The following DYNC2H1 variants were observed in gnomAD, a reference collection of about 807,000 sequenced individuals.
DYNC2H1 encodes the protein cytoplasmic dynein 2 heavy chain 1.
In DYNC2H1, 410 loss-of-function variants were observed where a neutral mutation model predicts 570.0. That is an observed-to-expected ratio of 0.72 (90% confidence interval 0.66 to 0.78). The LOEUF is 0.78. Among genes scored for constraint, DYNC2H1 ranks in the 30% least tolerant of loss-of-function variants. The probability of loss-of-function intolerance (pLI) is 0.00; values close to 1 mark genes in which losing one functional copy is unlikely to be tolerated. For synonymous variants in DYNC2H1, 1,688 were observed against 1,677.6 expected, an observed-to-expected ratio of 1.01 and a Z score of -0.15; for missense variants, 4,865 against 5,046.4, an observed-to-expected ratio of 0.96 and a Z score of 1.09.
intron 47 of DYNC2H1, among the ~76,000 whole-genome samples, chr11:103,195,381 A>G (rs1591391083): frequency 1.3e-5 from 2 of 152,190 alleles, no homozygotes; most frequent in East Asian, 1.9e-4. Context: ...TTTTCTGCCT[A>G]TGGATGTTTA....
Position 103,239,642 on chromosome 11 carries a change from A to AGTGTGTGTGT in DYNC2H1, c.9819+3130_9819+3139dup, listed in dbSNP as rs140380392. Reference sequence around the variant, plus strand: ...CTCCTGTCTATACACTTCTCATAGGAGTGTGTGTGTGTGTGTGTGTGTGTG... The same window carrying AGTGTGTGTGT: ...CTCCTGTCTATACACTTCTCATAGGAGTGTGTGTGTGTGTGTGTGTGTGTGTGTGTGTGTG... On this transcript the variant is annotated intron_variant, in intron 63 of 88. Transcript: ENST00000375735. This position sits in a 1 kb window ranked among gnomAD's most constrained non-coding sequence, Gnocchi z 4.3. Among the ~76,000 whole-genome samples the AGTGTGTGTGT allele has an allele frequency of 8.6e-5, 12 of 140,012 alleles. No homozygotes were observed. The highest frequency in any genetic ancestry group is 3.2e-4 in the African/African-American group (12 of 37,776). The allele number at this position is 140,012 out of a possible 152,430, so 91.9% of individuals were successfully genotyped here.
intron 87 of DYNC2H1, among the ~76,000 whole-genome samples, chr11:103,467,849 T>C (rs1945243619): frequency 6.6e-6 from 1 of 152,152 alleles, no homozygotes; most frequent in South Asian, 2.1e-4. Flanking sequence ...CACTGTACAC[T>C]TTAAGTTTGT....
intron 28 of DYNC2H1, among the ~76,000 whole-genome samples, chr11:103,160,267 A>G (rs1183741201): frequency 6.6e-6 from 1 of 152,116 alleles, no homozygotes; most frequent in Admixed American, 6.5e-5. Context: ...ACTATAAAGT[A>G]ATATGCAAAT....
chr11:103,171,818 AT>A (rs541159916), intron 34 of DYNC2H1, among the ~76,000 whole-genome samples: 4 of 151,124 alleles, frequency 2.6e-5, no homozygotes, highest in Admixed American at 6.6e-5. Flanking sequence ...TCTGAAGCAC[AT>A]TTTTTTTTGT....
At chr11:103,372,032 C>CTTTTTTTTT (rs1156605664) in intron 83 of DYNC2H1, among the ~76,000 whole-genome samples, 1 of 38,038 alleles carries the variant, frequency 2.6e-5, no homozygotes, top group Non-Finnish European at 4.4e-5. Context: ...TTGTCTTGTT[C>CTTTTTTTTT]TTTTTTTTTT....
At chr11:103,274,737 T>G (rs1865842474) in intron 70 of DYNC2H1, among the ~76,000 whole-genome samples, 1 of 151,850 alleles carries the variant, frequency 6.6e-6, no homozygotes, top group Admixed American at 6.6e-5. Context: ...TTTTTGGGGG[T>G]TTTTCAGCCA....
chr11:103,437,403 C>G (rs1944103507), intron 85 of DYNC2H1, among the ~76,000 whole-genome samples: 1 of 152,058 alleles, frequency 6.6e-6, no homozygotes, highest in South Asian at 2.1e-4. Context: ...TCTTCTTACT[C>G]TGTTTGCCAG....
chr11:103,190,186 T>C (rs1475263018), intron 45 of DYNC2H1, among the ~76,000 whole-genome samples: 1 of 152,196 alleles, frequency 6.6e-6, no homozygotes, highest in African/African-American at 2.4e-5. Context: ...TTGATGTTTC[T>C]TTCTTTCTTC....
chr11:103,351,293 G>A lies in DYNC2H1; in HGVS notation c.12040-6950G>A, dbSNP rs989207553. Among the ~76,000 whole-genome samples, 5 of 152,094 alleles carry A rather than the reference G, an allele frequency of 3.3e-5. No individual in the cohort carries two copies. In the South Asian group the frequency reaches 6.2e-4, roughly 19 times the overall value. ...AGCATGGTATATCAGGGTTAAGTCC[G>A]GAAAGTAAACTGCATGTCCTTTTGA... is the stretch of plus-strand genomic sequence containing the variant. On this transcript the variant is annotated intron_variant, in intron 82 of 88. Coordinates refer to ENST00000375735, the MANE Select transcript of DYNC2H1 (RefSeq NM_001377.3).
intron 88 of DYNC2H1, among the ~76,000 whole-genome samples, chr11:103,477,832 CAAAAAAAAAAAAAA>C (rs55817710): frequency 2.8e-5 from 2 of 72,620 alleles, no homozygotes; most frequent in Non-Finnish European, 2.4e-5. Flanking sequence ...CTCCCCATCT[CAAAAAAAAAAAAAA>C]AAAAAAAAAA....
intron 40 of DYNC2H1, 27 bp from the exon 41 acceptor site, chr11:103,184,869 G>T: frequency 6.2e-7 from 1 of 1,608,278 alleles, no homozygotes; most frequent in Non-Finnish European, 8.5e-7. Flanking sequence ...CCTTTTGTCT[G>T]TTTGTATCAC....
intron 83 of DYNC2H1, among the ~76,000 whole-genome samples, chr11:103,398,664 A>G (rs1279551525): frequency 2.0e-5 from 3 of 152,190 alleles, no homozygotes; most frequent in East Asian, 1.9e-4. Context: ...GCACTTTCCA[A>G]AATTATTTCT....
chr11:103,229,123 C>T (rs894632042), intron 59 of DYNC2H1, among the ~76,000 whole-genome samples: 5 of 152,150 alleles, frequency 3.3e-5, no homozygotes, highest in Non-Finnish European at 7.3e-5. Flanking sequence ...TTCCAGGCAG[C>T]CAGTGACCAG....
At chr11:103,405,862 A>G (rs1291443363) in intron 84 of DYNC2H1, 1 of 152,056 alleles carries the variant, frequency 6.6e-6, no homozygotes. Context: ...AAAATGGCTG[A>G]GTAAGCATTA....
At chr11:103,167,263 GTAT>G (rs949354340) in intron 31 of DYNC2H1, among the ~76,000 whole-genome samples, 2 of 150,642 alleles carry the variant, frequency 1.3e-5, no homozygotes, top group African/African-American at 4.9e-5. Flanking sequence ...GGGCTTTAAA[GTAT>G]TTTTTTTTTT....
In DYNC2H1 at chr11:103,249,978, A is replaced by G. The variant is rs1364335949; in HGVS notation, c.10043-3307A>G. ...CGCCTAACACAAGCCAAAATCCTCTAACAAGCCTCTATTAAGTCCTTTGTA... is the reference window on the plus strand; with the variant it reads ...CGCCTAACACAAGCCAAAATCCTCTGACAAGCCTCTATTAAGTCCTTTGTA... On this transcript the variant is annotated intron_variant, in intron 65 of 88. Transcript: ENST00000375735. This position sits in a 1 kb window ranked among gnomAD's most constrained non-coding sequence, Gnocchi z 4.6. Among the ~76,000 whole-genome samples the G allele has an allele frequency of 6.6e-6, 1 of 152,068 alleles. No individual in the cohort carries two copies. The highest frequency in any genetic ancestry group is 1.5e-5 in the Non-Finnish European group (1 of 67,974).
Position 103,125,298 on chromosome 11 carries a change from A to T in DYNC2H1, c.1857+3A>T, listed in dbSNP as rs773031659. 1 of 1,580,672 alleles carries T rather than the reference A, an allele frequency of 6.3e-7. No individual in the cohort carries two copies. Among genetic ancestry groups the T allele is most frequent in the Non-Finnish European group, 8.6e-7 (1 of 1,160,562 alleles). On this transcript the variant is annotated splice_donor_region_variant and intron_variant, in intron 12 of 88. Coordinates refer to ENST00000375735, the MANE Select transcript of DYNC2H1 (RefSeq NM_001377.3). ...AGCAAGCAATTATTCTTAAACAAGTATGAAATTACATTTTTTGAATACCTG... is the reference window on the plus strand; with the variant it reads ...AGCAAGCAATTATTCTTAAACAAGTTTGAAATTACATTTTTTGAATACCTG...
intron 59 of DYNC2H1, among the ~76,000 whole-genome samples, chr11:103,229,783 A>G (rs763318230): frequency 6.6e-6 from 1 of 152,180 alleles, no homozygotes; most frequent in Non-Finnish European, 1.5e-5. Context: ...TAGAAAGAGT[A>G]TATGGGCTGG....
At chr11:103,251,631 T>C (rs992469991) in intron 65 of DYNC2H1, among the ~76,000 whole-genome samples, 1 of 152,158 alleles carries the variant, frequency 6.6e-6, no homozygotes, top group Non-Finnish European at 1.5e-5. Context: ...ATTGGATTTC[T>C]AGACTTAATC....
Sources: allele counts gnomAD v4.1 joint callset (sites outside exome capture counted in the v4.1 genomes callset), GRCh38; gene constraint gnomAD v4.1.1; non-coding constraint Gnocchi (gnomAD v3.1); transcripts MANE v1.5; gene names NCBI Gene and HGNC (gene_info 2026-07-23, HGNC 2026-07-21).